DPP10: variants seen among roughly 807,000 people sequenced by gnomAD.
The protein encoded by DPP10 is dipeptidyl peptidase like 10.
DPP10 carries 33 observed loss-of-function variants against 120.9 expected under a neutral mutation model. The observed-to-expected ratio is 0.27, with a 90% CI of 0.21 to 0.37. The LOEUF is 0.37. DPP10 is among the 10% of genes least tolerant of loss of function. DPP10 has a pLI of 1.00. For synonymous variants in DPP10, 337 were observed against 326.1 expected, an observed-to-expected ratio of 1.03 and a Z score of -0.36; for missense variants, 816 against 942.8, an observed-to-expected ratio of 0.87 and a Z score of 1.76.
chr2:115,102,613 A>T (rs1221527788), intron 1 of DPP10, among the ~76,000 whole-genome samples: 1 of 151,782 alleles, frequency 6.6e-6, no homozygotes, highest in Non-Finnish European at 1.5e-5. Flanking sequence ...GTTTCACCAT[A>T]TTGGCCAGGC....
At chr2:115,136,349 T>A (rs898051036) in intron 1 of DPP10, among the ~76,000 whole-genome samples, 1 of 152,286 alleles carries the variant, frequency 6.6e-6, no homozygotes, top group East Asian at 1.9e-4. Flanking sequence ...TCTGTGATGA[T>A]GTGGATGTCC....
chr2:114,880,834 C>T (rs977533847), intron 1 of DPP10, among the ~76,000 whole-genome samples: 2 of 152,008 alleles, frequency 1.3e-5, no homozygotes, highest in Non-Finnish European at 1.5e-5. Context: ...AAACCCAGTG[C>T]GATGCGGATG....
At chr2:115,406,803 T>C (rs917967583) in intron 3 of DPP10, among the ~76,000 whole-genome samples, 2 of 151,946 alleles carry the variant, frequency 1.3e-5, no homozygotes, top group Non-Finnish European at 2.9e-5. Flanking sequence ...TCTGACAAAA[T>C]TGAAAAAACA....
chr2:115,377,802 A>G (rs1295073795), intron 3 of DPP10, among the ~76,000 whole-genome samples: 5 of 152,104 alleles, frequency 3.3e-5, no homozygotes, highest in African/African-American at 1.2e-4. Flanking sequence ...CCATTTATTA[A>G]ATAGGGAATC....
At chr2:115,239,452 A>G (rs2058161731) in intron 1 of DPP10, among the ~76,000 whole-genome samples, 1 of 152,206 alleles carries the variant, frequency 6.6e-6, no homozygotes, top group African/African-American at 2.4e-5. Flanking sequence ...ATAGCAAGGC[A>G]AGTTCCTCCA....
At chr2:114,896,212 T>C (rs1336718734) in intron 1 of DPP10, among the ~76,000 whole-genome samples, 1 of 152,188 alleles carries the variant, frequency 6.6e-6, no homozygotes, top group Non-Finnish European at 1.5e-5. Flanking sequence ...GACTTGGCGA[T>C]GCGGGCTCTT....
intron 1 of DPP10, among the ~76,000 whole-genome samples, chr2:114,572,324 G>T (rs1001427702): frequency 6.6e-6 from 1 of 152,120 alleles, no homozygotes; most frequent in African/African-American, 2.4e-5. Flanking sequence ...ACAGAATGAA[G>T]CAAACTCACC....
At chr2:114,731,490 C>A (rs772679596) in intron 1 of DPP10, among the ~76,000 whole-genome samples, 3 of 152,060 alleles carry the variant, frequency 2.0e-5, no homozygotes, top group Non-Finnish European at 4.4e-5. Flanking sequence ...GTGTACCTTC[C>A]GTGGGATACT....
At chr2:115,619,511 C>T (rs879539868) in intron 5 of DPP10, among the ~76,000 whole-genome samples, 2 of 152,280 alleles carry the variant, frequency 1.3e-5, no homozygotes, top group East Asian at 3.9e-4. Context: ...CCTTACAATT[C>T]TCGCATCTTT....
chr2:115,641,123 C>A (rs2086741492), intron 5 of DPP10, among the ~76,000 whole-genome samples: 2 of 152,154 alleles, frequency 1.3e-5, no homozygotes, highest in Non-Finnish European at 2.9e-5. Flanking sequence ...TATCCCAAAT[C>A]CAGCGGCTGC....
At chr2:115,064,199 A>T (rs985806222) in intron 1 of DPP10, among the ~76,000 whole-genome samples, 2 of 151,990 alleles carry the variant, frequency 1.3e-5, no homozygotes, top group African/African-American at 2.4e-5. Flanking sequence ...AGGAAATATA[A>T]CTCATGTTTA....
chr2:115,267,078 C>T (rs1344966584), intron 1 of DPP10, among the ~76,000 whole-genome samples: 1 of 152,172 alleles, frequency 6.6e-6, no homozygotes, highest in Non-Finnish European at 1.5e-5. Flanking sequence ...CACCTTAGTT[C>T]CCATACAGCT....
At chr2:115,609,153 C>T (rs565630436) in intron 5 of DPP10, among the ~76,000 whole-genome samples, 2 of 152,214 alleles carry the variant, frequency 1.3e-5, no homozygotes, top group Admixed American at 1.3e-4. Flanking sequence ...CAGAAAGGGT[C>T]TTCATAATGG....
At chr2:114,688,512 T>C (rs1699516806) in intron 1 of DPP10, among the ~76,000 whole-genome samples, 1 of 151,908 alleles carries the variant, frequency 6.6e-6, no homozygotes, top group Non-Finnish European at 1.5e-5. Flanking sequence ...TAGAAAAGCT[T>C]CTTAGGATGT....
At chr2:114,549,747 A>G (rs11903060) in intron 1 of DPP10, among the ~76,000 whole-genome samples, 149,753 of 150,874 alleles carry the variant, frequency 0.99, 74,331 homozygotes, top group East Asian at 1. Flanking sequence ...AGAGGGCGAG[A>G]GGGGCATCCT....
chr2:114,566,373 A>G (rs1354653194), intron 1 of DPP10, among the ~76,000 whole-genome samples: 2 of 152,234 alleles, frequency 1.3e-5, no homozygotes, highest in Non-Finnish European at 2.9e-5. Context: ...ATAAATTTGT[A>G]TGTAGAAATA....
intron 21 of DPP10, among the ~76,000 whole-genome samples, chr2:115,827,412 G>GTA (rs1164585822): frequency 0.081 from 6,641 of 81,564 alleles, 268 homozygotes; most frequent in Middle Eastern, 0.14. Flanking sequence ...GTATGTGTGT[G>GTA]TGTATATATA....
intron 5 of DPP10, among the ~76,000 whole-genome samples, chr2:115,682,864 G>C (rs1056727698): frequency 6.6e-6 from 1 of 151,724 alleles, no homozygotes; most frequent in African/African-American, 2.4e-5. Context: ...TCAGTTCAGA[G>C]GAAATACACT....
chr2:115,585,635 C>A (rs539679068), intron 5 of DPP10, among the ~76,000 whole-genome samples: 6 of 152,282 alleles, frequency 3.9e-5, no homozygotes. Flanking sequence ...AGTAGCTTGT[C>A]CACAGTTATG....
Sources: allele counts gnomAD v4.1 joint callset (sites outside exome capture counted in the v4.1 genomes callset), GRCh38; gene constraint gnomAD v4.1.1; transcripts MANE v1.5; gene names NCBI Gene and HGNC (gene_info 2026-07-23, HGNC 2026-07-21).